ALDH18A1: variants seen among roughly 807,000 people sequenced by gnomAD.
ALDH18A1 encodes the protein aldehyde dehydrogenase 18 family member A1.
ALDH18A1 carries 44 observed loss-of-function variants against 88.8 expected under a neutral mutation model. The ratio of observed to expected loss-of-function variants is 0.50; its 90% confidence interval spans 0.39 to 0.64. The LOEUF (loss-of-function observed/expected upper bound fraction) is 0.64. Ranked by LOEUF, ALDH18A1 falls within the 30% of genes least tolerant of loss-of-function variation. ALDH18A1 has a pLI of 0.00. For synonymous variants in ALDH18A1, 331 were observed against 372.1 expected (o/e 0.89, Z 1.27); for missense variants, 782 against 1,009.5 (o/e 0.77, Z 3.05).
In ALDH18A1 at chr10:95,628,439, A is replaced by G; in HGVS notation, c.862T>C (p.Tyr288His). The change falls in exon 8 of 18, where the codon TAT becomes CAT. Residue 288 changes from tyrosine to histidine, a missense_variant. Physicochemically the swap from Tyr to His is moderately conservative, Grantham distance 83 (BLOSUM62 2). Transcript: ENST00000371224. ...GTCACAGACTGCTGATCTCCGGGAT[A>G]AAATATATCAATAAGCTTTGCATCA... is the stretch of plus-strand genomic sequence containing the variant. Reference protein sequence around the residue: ...SDDAKLIDIFYPGDQQSVTFG... With the variant: ...SDDAKLIDIFHPGDQQSVTFG... 3 of 1,614,104 alleles carry G rather than the reference A, an allele frequency of 1.9e-6. No individual in the cohort carries two copies. Among genetic ancestry groups the G allele is most frequent in the Non-Finnish European group, 2.5e-6 (3 of 1,179,986 alleles).
chr10:95,643,073 C>G lies in ALDH18A1; in HGVS notation c.222G>C (p.Val74=), dbSNP rs772586378. 6.2e-7 allele frequency: 1 copy of G among 1,614,158 alleles called. No individual in the cohort carries two copies. Among genetic ancestry groups the G allele is most frequent in the Admixed American group, 1.7e-5 (1 of 60,028 alleles). ...TCACCACGGCACTGCCGAGCTTCAC[C>G]ACGATTCTCTTGGCATGCTTCAGCT... is the stretch of plus-strand genomic sequence containing the variant. ...RSELKHAKRI[V]VKLGSAVVTR... is the part of the protein sequence containing the mutation. Residue 74 remains valine, a synonymous_variant, in exon 3 of 18, where the codon GTG becomes GTC. Coordinates refer to ENST00000371224, the MANE Select transcript of ALDH18A1 (RefSeq NM_002860.4).
At chr10:95,610,427 A>T in intron 16 of ALDH18A1, 135 bp from the exon 17 acceptor site, 1 of 754,542 alleles carries the variant, frequency 1.3e-6, no homozygotes, top group Non-Finnish European at 2.3e-6. Context: ...TCACGTATTA[A>T]ATACTCAGGC....
At chr10:95,613,436 GC>G (rs2097839092) in intron 15 of ALDH18A1, among the ~76,000 whole-genome samples, 1 of 152,004 alleles carries the variant, frequency 6.6e-6, no homozygotes, top group Non-Finnish European at 1.5e-5. Context: ...GGAACACCTT[GC>G]ATATATAAGG....
chr10:95,656,095 G>A (rs943371271), intron 1 of ALDH18A1, among the ~76,000 whole-genome samples: 1 of 152,148 alleles, frequency 6.6e-6, no homozygotes, highest in Non-Finnish European at 1.5e-5. Flanking sequence ...TTGAGGAGGG[G>A]ATGATGAACG....
intron 12 of ALDH18A1, among the ~76,000 whole-genome samples, chr10:95,620,235 T>A (rs936419997): frequency 5.3e-5 from 8 of 152,200 alleles, no homozygotes; most frequent in Non-Finnish European, 1.0e-4. Context: ...CACAATGAGA[T>A]ACCATCTCAT....
At chr10:95,618,355 C>T (rs549085939) in intron 12 of ALDH18A1, among the ~76,000 whole-genome samples, 2 of 152,090 alleles carry the variant, frequency 1.3e-5, no homozygotes, top group African/African-American at 2.4e-5. Flanking sequence ...GGTATCTCGC[C>T]CTGTTGCAAG....
At chr10:95,629,446 T>C (rs2097864933) in intron 7 of ALDH18A1, among the ~76,000 whole-genome samples, 1 of 152,202 alleles carries the variant, frequency 6.6e-6, no homozygotes, top group South Asian at 2.1e-4. Context: ...AGGAAATCAA[T>C]GCCCATTGTA....
rs1450465007 is a variant in ALDH18A1, at chr10:95,625,422, A to G, written c.1186T>C (p.Leu396=). ...AEIIHHLADL[L]TDQRDEILLA... is the part of the protein sequence containing the mutation. The stretch of plus-strand genomic sequence containing the variant: ...AGGATCTCATCACGCTGGTCCGTCA[A>G]CAGATCAGCCAGATGATGGATAATT... The change falls in exon 11 of 18, where the codon TTG becomes CTG. Residue 396 remains leucine, a synonymous_variant. Transcript: ENST00000371224. The G allele has an allele frequency of 6.2e-7, 1 of 1,614,082 alleles. No individual in the cohort carries two copies. The highest frequency in any genetic ancestry group is 8.5e-7 in the Non-Finnish European group (1 of 1,179,986).
Position 95,629,036 on chromosome 10 carries a change from C to T in ALDH18A1, c.809-544G>A, listed in dbSNP as rs533823804. Among the ~76,000 whole-genome samples, 7 of 152,296 alleles carry T rather than the reference C, an allele frequency of 4.6e-5. No individual in the cohort carries two copies. In the East Asian group the frequency reaches 7.7e-4, roughly 17 times the overall value. On this transcript the variant is annotated intron_variant, in intron 7 of 17. Coordinates refer to ENST00000371224, the MANE Select transcript of ALDH18A1 (RefSeq NM_002860.4). Reference sequence around the variant, plus strand: ...GTTAGGCTCAGTCAGCAGGAGAGTGCGTGACTCTTGGCATTCAGTCTGGAT... The same window carrying T: ...GTTAGGCTCAGTCAGCAGGAGAGTGTGTGACTCTTGGCATTCAGTCTGGAT...
In ALDH18A1 at chr10:95,606,611, T is replaced by C; in HGVS notation, c.*151A>G. 6.3e-7 allele frequency: 1 copy of C among 1,586,980 alleles called. No homozygotes were observed. The highest frequency in any genetic ancestry group is 2.2e-5 in the East Asian group (1 of 44,616). On this transcript the variant is annotated 3_prime_UTR_variant, in exon 18 of 18. Transcript: ENST00000371224. ...GACTGTGCACATCAGCCAAGACTGC[T>C]ATTGCCAAACGGAGCCCAGAAGCAT...
At chr10:95,620,186 TTCA>T (rs1247493349) in intron 12 of ALDH18A1, among the ~76,000 whole-genome samples, 1 of 152,184 alleles carries the variant, frequency 6.6e-6, no homozygotes, top group Non-Finnish European at 1.5e-5. Context: ...TGAAAAAATG[TTCA>T]TCGTCACTGG....
intron 13 of ALDH18A1, among the ~76,000 whole-genome samples, chr10:95,614,547 G>C (rs1428351442): frequency 1.3e-5 from 2 of 152,144 alleles, no homozygotes; most frequent in Non-Finnish European, 2.9e-5. Context: ...ACTACTCCAG[G>C]CCATGAAGAT....
At chr10:95,638,600 G>A (rs1000554374) in intron 3 of ALDH18A1, among the ~76,000 whole-genome samples, 1 of 152,124 alleles carries the variant, frequency 6.6e-6, no homozygotes, top group Non-Finnish European at 1.5e-5. Flanking sequence ...GGCTTAACCC[G>A]GGTAAAGGAG....
At chr10:95,643,561 A>C (rs2097895866) in intron 2 of ALDH18A1, among the ~76,000 whole-genome samples, 1 of 152,254 alleles carries the variant, frequency 6.6e-6, no homozygotes, top group Non-Finnish European at 1.5e-5. Flanking sequence ...ATTTATTATC[A>C]GAAAAATCAG....
intron 11 of ALDH18A1, among the ~76,000 whole-genome samples, chr10:95,624,774 TTAATTAACTAAGAA>T (rs2097858114): frequency 6.6e-6 from 1 of 152,162 alleles, no homozygotes; most frequent in African/African-American, 2.4e-5. Flanking sequence ...AAAAGACTGG[TTAATTAACTAAGAA>T]ACAAGCTATC....
chr10:95,610,200 G>C lies in ALDH18A1; in HGVS notation c.2203C>G (p.Leu735Val). ...TRFSDGYRFGLGAEVGISTSR... is the reference protein window; with the variant it reads ...TRFSDGYRFGVGAEVGISTSR... ...TCCCAACCAGAGTCTTTCTTACCCA[G>C]TCCAAAGCGGTAACCATCAGAAAAG... The change falls in exon 17 of 18, where the codon CTG becomes GTG. Residue 735 changes from leucine to valine, a missense_variant. Leu to Val is a conservative substitution (Grantham distance 32, BLOSUM62 1). Coordinates refer to ENST00000371224, the MANE Select transcript of ALDH18A1 (RefSeq NM_002860.4). 6.2e-7 allele frequency: 1 copy of C among 1,613,960 alleles called. No individual in the cohort carries two copies.
Position 95,628,506 on chromosome 10 carries a change from AAG to A in ALDH18A1, c.809-16_809-15del. ...TGTCAAAAAGGCCTAAAAAATAGAC[AAG>A]AGTCAGTAATACTGCTTTGATGGAA... On this transcript the variant is annotated splice_polypyrimidine_tract_variant and intron_variant, in intron 7 of 17. Transcript: ENST00000371224. 1 of 1,611,550 alleles carries A rather than the reference AAG, an allele frequency of 6.2e-7. No individual in the cohort carries two copies. Among genetic ancestry groups the A allele is most frequent in the Non-Finnish European group, 8.5e-7 (1 of 1,179,848 alleles).
chr10:95,628,669 A>G (rs1208780154), intron 7 of ALDH18A1, 177 bp from the exon 8 acceptor site: 1 of 678,988 alleles, frequency 1.5e-6, no homozygotes, highest in Non-Finnish European at 2.5e-6. Flanking sequence ...AAACATCTCC[A>G]GGAAGACTCA....
intron 12 of ALDH18A1, among the ~76,000 whole-genome samples, chr10:95,619,559 A>G (rs1447118205): frequency 6.6e-6 from 1 of 152,238 alleles, no homozygotes; most frequent in Non-Finnish European, 1.5e-5. Context: ...TACAGTAACC[A>G]AAACAGCATG....
Sources: gnomAD v4.1 joint callset for allele counts (sites outside exome capture counted in the v4.1 genomes callset) on GRCh38, gnomAD v4.1.1 for gene constraint, MANE v1.5 for transcripts, NCBI Gene and HGNC (gene_info 2026-07-23, HGNC 2026-07-21) for gene names.